MANBA: variants seen among roughly 807,000 people sequenced by gnomAD.
The protein encoded by MANBA is beta-mannosidase.
Under a neutral mutation model 111.1 loss-of-function variants are expected in MANBA, and 83 were observed. That is an observed-to-expected ratio of 0.75 (90% confidence interval 0.63 to 0.90). The LOEUF (loss-of-function observed/expected upper bound fraction) is 0.90. Ranked by LOEUF, MANBA falls within the 40% of genes least tolerant of loss-of-function variation. The pLI, the probability that MANBA is intolerant of heterozygous loss-of-function variation, is 0.00. For missense variants in MANBA, 1,036 were observed against 1,069.0 expected (o/e 0.97, Z 0.43); for synonymous variants, 370 against 378.7 (o/e 0.98, Z 0.27).
chr4:102,646,742 A>G (rs1229515709), intron 13 of MANBA, among the ~76,000 whole-genome samples: 1 of 152,138 alleles, frequency 6.6e-6, no homozygotes, highest in African/African-American at 2.4e-5. Flanking sequence ...GTGCTCATGT[A>G]TATGGGCTAT....
intron 1 of MANBA, chr4:102,754,056 A>G (rs1280632072): frequency 3.6e-6 from 1 of 275,258 alleles, no homozygotes; most frequent in Non-Finnish European, 7.4e-6. Context: ...TAGCCAAAAG[A>G]AGATGAATTA....
At chr4:102,726,530 A>G in intron 2 of MANBA, 59 bp downstream of exon 2, 1 of 919,612 alleles carries the variant, frequency 1.1e-6, no homozygotes, top group East Asian at 2.4e-5. Context: ...ATTTTTGCCC[A>G]GATAGAAAAA....
At chr4:102,719,980 A>C (rs1185719229) in intron 4 of MANBA, among the ~76,000 whole-genome samples, 1 of 152,276 alleles carries the variant, frequency 6.6e-6, no homozygotes, top group Non-Finnish European at 1.5e-5. Context: ...TGTTCTATCT[A>C]GATAACTTGA....
rs149742805 is a variant in MANBA, at chr4:102,754,359, G to T, written c.177+6359C>A. 2.5e-3 allele frequency among the ~76,000 whole-genome samples: 374 copies of T among 151,932 alleles called. 2 individuals are homozygous for T. Among genetic ancestry groups the T allele is most frequent in the African/African-American group, 8.5e-3 (352 of 41,458 alleles). On this transcript the variant is annotated intron_variant, in intron 1 of 16. Coordinates refer to ENST00000647097, the MANE Select transcript of MANBA (RefSeq NM_005908.4). Reference sequence around the variant, plus strand: ...ATGTACAGTAAAATTTAGTTAAAAGGATCCTCATCAGAAAAATAGAAAAAA... The same window carrying T: ...ATGTACAGTAAAATTTAGTTAAAAGTATCCTCATCAGAAAAATAGAAAAAA...
chr4:102,718,243 G>A (rs898373959), intron 4 of MANBA, among the ~76,000 whole-genome samples: 16 of 152,224 alleles, frequency 1.1e-4, no homozygotes, highest in African/African-American at 4.8e-5. Context: ...TAAATCACAA[G>A]TGCGGTGTGG....
chr4:102,677,492 C>A (rs2110229918), intron 7 of MANBA, among the ~76,000 whole-genome samples: 1 of 152,226 alleles, frequency 6.6e-6, no homozygotes, highest in Non-Finnish European at 1.5e-5. Flanking sequence ...CATTATATTA[C>A]AATATCACAT....
At position 102,751,479 on chromosome 4, in the gene MANBA, G is replaced by A. The variant is rs6843175; in HGVS notation, c.177+9239C>T. 4,330 of 526,826 alleles carry A rather than the reference G, an allele frequency of 8.2e-3. 104 individuals are homozygous for A. The highest frequency in any genetic ancestry group is 0.055 in the African/African-American group (2,866 of 51,712). 32.6% of individuals were successfully genotyped at this position (526,826 alleles called of 1,614,324 possible). A position where few individuals can be genotyped will look rare whatever the true frequency, so the allele number is the denominator to read the frequency against. On this transcript the variant is annotated intron_variant, in intron 1 of 16. Coordinates refer to ENST00000647097, the MANE Select transcript of MANBA (RefSeq NM_005908.4). Reference sequence around the variant, plus strand: ...TGATGTTTCCTTCTCAATCCCTGCCGCCTCTGAATTTGCTGACCTTAGTAA... The same window carrying A: ...TGATGTTTCCTTCTCAATCCCTGCCACCTCTGAATTTGCTGACCTTAGTAA...
rs190428954 is a variant in MANBA, at chr4:102,682,508, T to C, written c.960+7066A>G. ...CTATAGCCATCTTGGAAATATTTAA[T>C]AAAACTTCTGACAAGAATAAGGCCA... On this transcript the variant is annotated intron_variant, in intron 7 of 16. Transcript: ENST00000647097. Among the ~76,000 whole-genome samples the C allele has an allele frequency of 6.0e-4, 91 of 152,332 alleles. No homozygotes were observed. In the East Asian group the frequency reaches 0.01, roughly 17 times the overall value.
intron 16 of MANBA, among the ~76,000 whole-genome samples, chr4:102,633,981 T>C (rs1322778958): frequency 6.6e-6 from 1 of 152,182 alleles, no homozygotes; most frequent in African/African-American, 2.4e-5. Context: ...TCCCTTTCTA[T>C]GAAGTAAAAG....
chr4:102,662,071 G>C (rs1338820948), intron 11 of MANBA, among the ~76,000 whole-genome samples: 4 of 152,046 alleles, frequency 2.6e-5, no homozygotes, highest in Non-Finnish European at 2.9e-5. Flanking sequence ...AAAAAGAAAG[G>C]CATATCTCCA....
Position 102,731,323 on chromosome 4 carries a change from G to A in MANBA, c.178-4640C>T, listed in dbSNP as rs549073575. On this transcript the variant is annotated intron_variant, in intron 1 of 16. Transcript: ENST00000647097. ...CTGTGGTTCTCACTGTGCTGTTTGC[G>A]CCACTATCCCAGCCAGCCTCCAGGG... Among the ~76,000 whole-genome samples, 41 of 152,186 alleles carry A rather than the reference G, an allele frequency of 2.7e-4. 1 individual carries two copies. The highest frequency in any genetic ancestry group is 2.3e-3 in the South Asian group (11 of 4,820).
intron 9 of MANBA, among the ~76,000 whole-genome samples, chr4:102,670,154 C>CAAAAAAAAAAAAAAAAAAA (rs70937560): frequency 9.3e-6 from 1 of 107,940 alleles, no homozygotes; most frequent in African/African-American, 4.2e-5. Flanking sequence ...GACTCCATAT[C>CAAAAAAAAAAAAAAAAAAA]AAAAAAAAAA....
intron 12 of MANBA, among the ~76,000 whole-genome samples, chr4:102,656,131 T>C (rs998600895): frequency 2.6e-5 from 4 of 152,088 alleles, no homozygotes; most frequent in Non-Finnish European, 4.4e-5. Flanking sequence ...CACACACTTG[T>C]AGTCCCAGCT....
chr4:102,727,347 G>C lies in MANBA; in HGVS notation c.178-664C>G, dbSNP rs1578943252. 4 of 713,620 alleles carry C rather than the reference G, an allele frequency of 5.6e-6. No individual in the cohort carries two copies. The East Asian group carries it at 1.0e-4, about 18-fold the overall frequency. The allele number at this position is 713,620 out of a possible 1,614,324, so 44.2% of individuals were successfully genotyped here. Reference sequence around the variant, plus strand: ...ATAGTTCTCAGTTTTCCATTGGTCTGTATCCCATTCTGCCTTGGACATCTT... The same window carrying C: ...ATAGTTCTCAGTTTTCCATTGGTCTCTATCCCATTCTGCCTTGGACATCTT... On this transcript the variant is annotated intron_variant, in intron 1 of 16. Coordinates refer to ENST00000647097, the MANE Select transcript of MANBA (RefSeq NM_005908.4).
chr4:102,701,311 C>T (rs1733029268), intron 5 of MANBA, among the ~76,000 whole-genome samples: 2 of 151,824 alleles, frequency 1.3e-5, no homozygotes, highest in African/African-American at 4.8e-5. Context: ...GACTCTTTAT[C>T]CAATTTGCCA....
chr4:102,755,533 G>C (rs527619130), intron 1 of MANBA, among the ~76,000 whole-genome samples: 167 of 152,240 alleles, frequency 1.1e-3, no homozygotes, highest in African/African-American at 3.8e-3. Flanking sequence ...AGAAAACCTA[G>C]GCAATACCAT....
At chr4:102,697,077 G>A (rs1732744173) in intron 5 of MANBA, among the ~76,000 whole-genome samples, 1 of 152,106 alleles carries the variant, frequency 6.6e-6, no homozygotes, top group African/African-American at 2.4e-5. Context: ...CAAGGCAAAA[G>A]AGACGCAAGG....
intron 1 of MANBA, among the ~76,000 whole-genome samples, chr4:102,747,173 A>ATATATATATATATAT (rs1560812741): frequency 4.0e-5 from 6 of 151,498 alleles, no homozygotes; most frequent in African/African-American, 1.2e-4. Context: ...ATATATATAT[A>ATATATATATATATAT]AAGGGGAGTT....
chr4:102,632,186 C>T lies in MANBA; in HGVS notation c.2511G>A (p.Gly837=). ...TGAGGAAACCATTGTCACTAAATCTCCCTGGGATGCTTCCTACATCCAACC... is the reference window on the plus strand; with the variant it reads ...TGAGGAAACCATTGTCACTAAATCTTCCTGGGATGCTTCCTACATCCAACC... ...FVWLDVGSIP[G]RFSDNGFLMT... Residue 837 remains glycine (G), a synonymous_variant, in exon 17 of 17, where the codon GGG becomes GGA. Coordinates refer to ENST00000647097, the MANE Select transcript of MANBA (RefSeq NM_005908.4). 3.7e-6 allele frequency: 6 copies of T among 1,613,446 alleles called. No individual in the cohort carries two copies. In the South Asian group the frequency reaches 5.5e-5, roughly 15 times the overall value.
Sources: allele counts gnomAD v4.1 joint callset (sites outside exome capture counted in the v4.1 genomes callset), GRCh38; gene constraint gnomAD v4.1.1; transcripts MANE v1.5; gene names NCBI Gene and HGNC (gene_info 2026-07-23, HGNC 2026-07-21).